The following ADAM28 variants were observed in gnomAD, a reference collection of about 807,000 sequenced individuals.
The protein encoded by ADAM28 is ADAM metallopeptidase domain 28.
ADAM28 carries 105 observed loss-of-function variants against 101.2 expected under a neutral mutation model. That is an observed-to-expected ratio of 1.04 (90% CI 0.89 to 1.22). The LOEUF (loss-of-function observed/expected upper bound fraction) is 1.22, where lower values mean the gene tolerates loss of function less well. Among genes scored for constraint, ADAM28 ranks in the 50% most tolerant of loss-of-function variants. ADAM28 has a pLI of 0.00. For missense variants in ADAM28, 1,028 were observed against 945.4 expected (o/e 1.09, Z -1.15); for synonymous variants, 322 against 310.6 (o/e 1.04, Z -0.39).
chr8:24,299,804 T>A, intron 1 of ADAM28, 170 bp from the exon 2 acceptor site: 1 of 496,812 alleles, frequency 2.0e-6, no homozygotes, highest in Non-Finnish European at 3.6e-6. Flanking sequence ...AAGAGTAGCT[T>A]TCTGAGGTTG....
At position 24,316,061 on chromosome 8, in the gene ADAM28, C is replaced by CATTTATTT. The variant is rs1008297441; in HGVS notation, c.576+2508_576+2515dup. On this transcript the variant is annotated intron_variant, in intron 6 of 22. Coordinates refer to ENST00000265769, the MANE Select transcript of ADAM28 (RefSeq NM_014265.6). ...AAAAGTTCCTCAACATCATAAAGGC[C>CATTTATTT]ATTTATTTATTTATTTATTTATTTA... 7.6e-3 allele frequency among the ~76,000 whole-genome samples: 930 copies of CATTTATTT among 122,484 alleles called. 12 individuals are homozygous for CATTTATTT. The highest frequency in any genetic ancestry group is 0.02 in the African/African-American group (773 of 39,220). 80.4% of individuals were successfully genotyped at this position (122,484 alleles called of 152,430 possible). A position where few individuals can be genotyped will look rare whatever the true frequency, so the allele number is the denominator to read the frequency against.
In ADAM28 at chr8:24,331,319, A is replaced by C. The variant is rs142585876; in HGVS notation, c.1273A>C (p.Thr425Pro). The C allele has an allele frequency of 1.3e-4, 208 of 1,603,592 alleles. 4 individuals carry two copies. The South Asian group carries it at 1.3e-3, about 10-fold the overall frequency. Residue 425 changes from threonine to proline, a missense_variant, in exon 12 of 23, where the codon ACA becomes CCA. Transcript: ENST00000265769. Reference protein sequence around the residue: ...VEMGEDCDCGTSEECTNICCD... With the variant: ...VEMGEDCDCGPSEECTNICCD... The stretch of plus-strand genomic sequence containing the variant: ...AATGGGAGAGGACTGTGATTGTGGG[A>C]CATCTGAGGTATGGCCAATCACTTT...
At chr8:24,324,110 C>G in intron 9 of ADAM28, 107 bp downstream of exon 9, 2 of 983,690 alleles carry the variant, frequency 2.0e-6, no homozygotes, top group Non-Finnish European at 2.9e-6. Context: ...ATTTATAGAG[C>G]ACTTACTTGG....
At chr8:24,351,591 C>G in intron 20 of ADAM28, 1 of 523,030 alleles carries the variant, frequency 1.9e-6, no homozygotes, top group South Asian at 2.0e-5. Context: ...CTCTCTCCCT[C>G]TCTCACACAC....
chr8:24,333,008 C>A (rs1412496937), intron 13 of ADAM28, among the ~76,000 whole-genome samples: 1 of 152,126 alleles, frequency 6.6e-6, no homozygotes, highest in Non-Finnish European at 1.5e-5. Context: ...AATATGGCCA[C>A]TATTTGCTAC....
chr8:24,313,993 G>A (rs1358617577), intron 6 of ADAM28, among the ~76,000 whole-genome samples: 2 of 152,126 alleles, frequency 1.3e-5, no homozygotes, highest in Non-Finnish European at 2.9e-5. Flanking sequence ...CCGACCTCGG[G>A]TGATCCACCT....
At chr8:24,304,727 G>A (rs1457804929) in intron 2 of ADAM28, among the ~76,000 whole-genome samples, 1 of 151,930 alleles carries the variant, frequency 6.6e-6, no homozygotes, top group African/African-American at 2.4e-5. Context: ...TTAGCTGGGT[G>A]TGGTGGTGGG....
chr8:24,349,138 C>G (rs940241733), intron 18 of ADAM28, among the ~76,000 whole-genome samples: 4 of 152,090 alleles, frequency 2.6e-5, no homozygotes, highest in Admixed American at 1.3e-4. Flanking sequence ...ATTAATCATG[C>G]TATTGGTTTG....
rs759681291 is a variant in ADAM28, at chr8:24,350,021, AC to A, written c.2099+50del. On this transcript the variant is annotated intron_variant, in intron 19 of 22. Transcript: ENST00000265769. ...GTAGGGACTCTTTGACCCCTATTTT[AC>A]TTTACTTTAAATTCAATGTATAACC... 3 of 1,536,966 alleles carry A rather than the reference AC, an allele frequency of 2.0e-6. No individual in the cohort carries two copies. In the South Asian group the frequency reaches 3.4e-5, roughly 18 times the overall value.
intron 1 of ADAM28, chr8:24,299,696 A>T (rs573824982): frequency 4.8e-5 from 10 of 209,016 alleles, no homozygotes; most frequent in African/African-American, 2.1e-4. Flanking sequence ...AGAAGTGGGA[A>T]AATCCAAAAG....
At chr8:24,325,960 A>G (rs902498181) in intron 9 of ADAM28, among the ~76,000 whole-genome samples, 1 of 151,154 alleles carries the variant, frequency 6.6e-6, no homozygotes, top group East Asian at 1.9e-4. Flanking sequence ...TAGAAAAATC[A>G]AAAGGAACCA....
At chr8:24,354,326 T>TTC (rs1302101758) in intron 22 of ADAM28, 58 bp from the exon 23 acceptor site, 2 of 1,396,430 alleles carry the variant, frequency 1.4e-6, no homozygotes, top group Non-Finnish European at 2.0e-6. Context: ...AGCTTCATAA[T>TTC]AGTAAATATC....
rs1466574920 is a variant in ADAM28 at position 24,358,320 on chromosome 8, T to C, written c.*3916T>C. 3.3e-5 allele frequency: 5 copies of C among 150,438 alleles called. No individual in the cohort carries two copies. The highest frequency in any genetic ancestry group is 1.3e-4 in the African/African-American group (5 of 39,732). 9.3% of individuals were successfully genotyped at this position (150,438 alleles called of 1,614,324 possible). On this transcript the variant is annotated 3_prime_UTR_variant, in exon 23 of 23. Transcript: ENST00000265769. ...TTTAATATTGTTTCATCATATGTCA[T>C]TGTTCAAAGAATCCATCTCTTGAGC...
At chr8:24,306,387 T>TAAAAAA (rs560111414) in intron 2 of ADAM28, among the ~76,000 whole-genome samples, 3 of 123,378 alleles carry the variant, frequency 2.4e-5, no homozygotes, top group African/African-American at 9.6e-5. Flanking sequence ...TATATATATT[T>TAAAAAA]AAAAATATAT....
chr8:24,345,740 T>A (rs1399118809), intron 18 of ADAM28, among the ~76,000 whole-genome samples: 2 of 152,140 alleles, frequency 1.3e-5, no homozygotes, highest in East Asian at 3.9e-4. Flanking sequence ...CCAATAAGGT[T>A]GAATTAATTC....
In ADAM28 at chr8:24,334,247, G is replaced by A. The variant is rs181708582; in HGVS notation, c.1372-1199G>A. Among the ~76,000 whole-genome samples, 1,101 of 152,176 alleles carry A rather than the reference G, an allele frequency of 7.2e-3. 5 individuals are homozygous for A. Among genetic ancestry groups the A allele is most frequent in the Non-Finnish European group, 0.011 (736 of 67,994 alleles). ...CATAATGATATATTAAGCTTTTTAC[G>A]TACAGTCTCACTTGATTTTCACAAT... On this transcript the variant is annotated intron_variant, in intron 13 of 22. Coordinates refer to ENST00000265769, the MANE Select transcript of ADAM28 (RefSeq NM_014265.6).
chr8:24,322,205 A>G (rs1811970810), intron 8 of ADAM28, among the ~76,000 whole-genome samples: 4 of 151,982 alleles, frequency 2.6e-5, no homozygotes. Flanking sequence ...TATTGGAATA[A>G]TCTTGATTGG....
rs1810273944 is a variant in ADAM28, at chr8:24,310,256, C to T, written c.306+15C>T. On this transcript the variant is annotated intron_variant, in intron 4 of 22. Coordinates refer to ENST00000265769, the MANE Select transcript of ADAM28 (RefSeq NM_014265.6). ...CACAAATTATGGTATAACGGAGTCT[C>T]TTCAATTCTTTAATTAGGGTTTTAC... The T allele has an allele frequency of 6.2e-7, 1 of 1,607,552 alleles. No individual in the cohort carries two copies. Among genetic ancestry groups the T allele is most frequent in the Admixed American group, 1.7e-5 (1 of 59,862 alleles).
chr8:24,346,764 C>T (rs1186544316), intron 18 of ADAM28, among the ~76,000 whole-genome samples: 1 of 152,084 alleles, frequency 6.6e-6, no homozygotes, highest in Non-Finnish European at 1.5e-5. Context: ...TTTCCTGCCT[C>T]TTTTCAGTCT....
Sources: gnomAD v4.1 joint callset for allele counts (sites outside exome capture counted in the v4.1 genomes callset) on GRCh38, gnomAD v4.1.1 for gene constraint, MANE v1.5 for transcripts, NCBI Gene and HGNC (gene_info 2026-07-23, HGNC 2026-07-21) for gene names.